The following KIF16B variants were observed in gnomAD, a reference collection of about 807,000 sequenced individuals.
KIF16B encodes the protein kinesin family member 16B, also known as kinesin-like protein KIF16B.
Under a neutral mutation model 156.3 loss-of-function variants are expected in KIF16B, and 98 were observed. The ratio of observed to expected loss-of-function variants is 0.63; its 90% CI spans 0.53 to 0.74. The LOEUF (loss-of-function observed/expected upper bound fraction) is 0.74, where lower values mean the gene tolerates loss of function less well. Among genes scored for constraint, KIF16B ranks in the 30% least tolerant of loss-of-function variants. The pLI is 0.00. For missense variants in KIF16B, 1,421 were observed against 1,606.5 expected, an observed-to-expected ratio of 0.88 and a Z score of 1.97; for synonymous variants, 564 against 583.7, an observed-to-expected ratio of 0.97 and a Z score of 0.49.
chr20:16,505,245 TC>T (rs771999617), intron 9 of KIF16B, among the ~76,000 whole-genome samples: 1 of 152,186 alleles, frequency 6.6e-6, no homozygotes, highest in Non-Finnish European at 1.5e-5. Flanking sequence ...TACGTTTTTT[TC>T]TCTATTCTGC....
rs534470115 is a variant in KIF16B at position 16,473,396 on chromosome 20, C to T, written c.1302+20895G>A. Reference sequence around the variant, plus strand: ...AATACTAAAACAGTCCCTCAACAAACATTTCCCAAGGGTCTGCTGTGTGAC... The same window carrying T: ...AATACTAAAACAGTCCCTCAACAAATATTTCCCAAGGGTCTGCTGTGTGAC... On this transcript the variant is annotated intron_variant, in intron 12 of 25. Coordinates refer to ENST00000354981, the MANE Select transcript of KIF16B (RefSeq NM_024704.5). Among the ~76,000 whole-genome samples the T allele has an allele frequency of 5.9e-5, 9 of 152,306 alleles. 1 individual carries two copies. In the East Asian group the frequency reaches 1.7e-3, roughly 29 times the overall value.
intron 1 of KIF16B, among the ~76,000 whole-genome samples, chr20:16,536,110 A>G (rs2069951118): frequency 6.6e-6 from 1 of 152,238 alleles, no homozygotes; most frequent in Admixed American, 6.5e-5. Context: ...GAATGAACGG[A>G]TCAAGAAAAT....
intron 12 of KIF16B, among the ~76,000 whole-genome samples, chr20:16,492,389 C>G (rs1329974687): frequency 6.6e-6 from 1 of 152,146 alleles, no homozygotes; most frequent in Non-Finnish European, 1.5e-5. Flanking sequence ...AGCACAAATA[C>G]TAGCAGAAAA....
intron 23 of KIF16B, among the ~76,000 whole-genome samples, chr20:16,352,472 C>T (rs915217984): frequency 2.6e-5 from 4 of 152,128 alleles, no homozygotes; most frequent in African/African-American, 9.7e-5. Context: ...TGGTGGAAAC[C>T]TCCTCATGGC....
At chr20:16,484,073 A>G (rs1214080929) in intron 12 of KIF16B, among the ~76,000 whole-genome samples, 2 of 152,164 alleles carry the variant, frequency 1.3e-5, no homozygotes, top group East Asian at 1.9e-4. Context: ...ATCAGCGCAC[A>G]TGCCTCGCCG....
intron 12 of KIF16B, among the ~76,000 whole-genome samples, chr20:16,457,489 A>T (rs1186067041): frequency 6.6e-6 from 1 of 152,166 alleles, no homozygotes; most frequent in Non-Finnish European, 1.5e-5. Context: ...GCCCCAGGAG[A>T]TATTACAAGG....
chr20:16,480,444 C>T (rs574409272), intron 12 of KIF16B, among the ~76,000 whole-genome samples: 2 of 152,316 alleles, frequency 1.3e-5, no homozygotes, highest in South Asian at 4.1e-4. Flanking sequence ...CAAAGTCACA[C>T]AACTAGTAAG....
At chr20:16,560,029 CTG>C (rs1266711910) in intron 1 of KIF16B, among the ~76,000 whole-genome samples, 2 of 151,954 alleles carry the variant, frequency 1.3e-5, no homozygotes, top group Non-Finnish European at 2.9e-5. Context: ...CATGGGAACT[CTG>C]TATTATTTTT....
chr20:16,371,437 A>G (rs1458157473), intron 21 of KIF16B, among the ~76,000 whole-genome samples: 2 of 152,122 alleles, frequency 1.3e-5, no homozygotes, highest in East Asian at 3.9e-4. Context: ...CTAAAAATAC[A>G]AAAATTAGCC....
Position 16,469,032 on chromosome 20 carries a change from C to T in KIF16B, c.1302+25259G>A, listed in dbSNP as rs1251935505. 3.9e-5 allele frequency among the ~76,000 whole-genome samples: 6 copies of T among 152,150 alleles called. No individual in the cohort carries two copies. In the East Asian group the frequency reaches 1.2e-3, roughly 29 times the overall value. ...CTCTGGGAGGCTGAGGTGTGAGAAT[C>T]GCCTGAGGCTAGAAACTTGAGAGCA... On this transcript the variant is annotated intron_variant, in intron 12 of 25. Coordinates refer to ENST00000354981, the MANE Select transcript of KIF16B (RefSeq NM_024704.5).
In KIF16B at chr20:16,326,013, A is replaced by G. The variant is rs369329589; in HGVS notation, c.3711+9913T>C. 2.6e-5 allele frequency among the ~76,000 whole-genome samples: 4 copies of G among 152,298 alleles called. No homozygotes were observed. In the East Asian group the frequency reaches 5.8e-4, roughly 22 times the overall value. On this transcript the variant is annotated intron_variant, in intron 24 of 25. Coordinates refer to ENST00000354981, the MANE Select transcript of KIF16B (RefSeq NM_024704.5). ...AAACCCAAATACTTACAGCCAACTG[A>G]TCTTTGACAAAGCAAATAAAAACAT...
chr20:16,367,149 G>C, intron 22 of KIF16B: 1 of 1,589,282 alleles, frequency 6.3e-7, no homozygotes, highest in Non-Finnish European at 8.6e-7. Context: ...CTCCTCCTTA[G>C]AGTCTTGTCA....
At chr20:16,465,768 A>T (rs2067473134) in intron 12 of KIF16B, among the ~76,000 whole-genome samples, 2 of 107,372 alleles carry the variant, frequency 1.9e-5, no homozygotes, top group South Asian at 6.5e-4. Flanking sequence ...CCTCTCACTT[A>T]AAAAAAAAAA....
chr20:16,533,146 A>G (rs764824692), intron 1 of KIF16B, among the ~76,000 whole-genome samples: 6 of 152,180 alleles, frequency 3.9e-5, no homozygotes, highest in African/African-American at 9.7e-5. Flanking sequence ...CTGAAATCCT[A>G]TGTACTGGGA....
intron 23 of KIF16B, among the ~76,000 whole-genome samples, chr20:16,348,469 T>C (rs2064274390): frequency 6.6e-6 from 1 of 152,206 alleles, no homozygotes; most frequent in South Asian, 2.1e-4. Context: ...TCTAGCAAAA[T>C]GCCTTGGGTA....
intron 12 of KIF16B, among the ~76,000 whole-genome samples, chr20:16,434,258 C>T (rs760857127): frequency 2.6e-5 from 4 of 152,198 alleles, no homozygotes; most frequent in Non-Finnish European, 5.9e-5. Context: ...ACTTCTGCCC[C>T]TTCCGGTGGC....
chr20:16,274,112 T>C (rs771801544), intron 25 of KIF16B, among the ~76,000 whole-genome samples: 86 of 151,592 alleles, frequency 5.7e-4, no homozygotes, highest in Non-Finnish European at 1.0e-3. Context: ...CGGCCATCTG[T>C]ACAAGGTTAA....
At chr20:16,536,356 G>A (rs2069962787) in intron 1 of KIF16B, among the ~76,000 whole-genome samples, 1 of 152,026 alleles carries the variant, frequency 6.6e-6, no homozygotes. Flanking sequence ...GGGGGTGGGG[G>A]GAGTGAAGAG....
intron 17 of KIF16B, among the ~76,000 whole-genome samples, chr20:16,399,449 C>T (rs904855095): frequency 6.6e-6 from 1 of 152,210 alleles, no homozygotes; most frequent in African/African-American, 2.4e-5. Flanking sequence ...CTGTCTCAAT[C>T]ACTCAAGCCC....
Sources: allele counts gnomAD v4.1 joint callset (sites outside exome capture counted in the v4.1 genomes callset), GRCh38; gene constraint gnomAD v4.1.1; transcripts MANE v1.5; gene names NCBI Gene and HGNC (gene_info 2026-07-23, HGNC 2026-07-21).